Variants in FGGY observed in about 807,000 individuals in gnomAD.
FGGY encodes FGGY carbohydrate kinase domain containing.
In FGGY, 72 loss-of-function variants were observed where a neutral mutation model predicts 71.3. The ratio of observed to expected loss-of-function variants is 1.01; its 90% CI spans 0.84 to 1.23. FGGY has a LOEUF of 1.23. Ranked by LOEUF, FGGY falls within the 50% of genes most tolerant of loss-of-function variation. FGGY has a pLI of 0.00. For missense variants in FGGY, 668 were observed against 682.3 expected (o/e 0.98, Z 0.23); for synonymous variants, 251 against 250.3 (o/e 1.00, Z -0.02).
chr1:59,546,824 C>T (rs1179384557), intron 7 of FGGY, among the ~76,000 whole-genome samples: 18 of 151,978 alleles, frequency 1.2e-4, no homozygotes, highest in East Asian at 7.8e-4. Context: ...GGATTACAGG[C>T]GTGAGCTACC....
chr1:59,349,954 G>C (rs1223405295), intron 4 of FGGY, among the ~76,000 whole-genome samples: 1 of 151,948 alleles, frequency 6.6e-6, no homozygotes, highest in Non-Finnish European at 1.5e-5. Flanking sequence ...CTGGGAACTT[G>C]TGAAACCACT....
intron 5 of FGGY, among the ~76,000 whole-genome samples, chr1:59,393,859 C>G (rs1356163775): frequency 6.6e-6 from 1 of 152,132 alleles, no homozygotes; most frequent in African/African-American, 2.4e-5. Flanking sequence ...CCCCCAACCC[C>G]CTCCCAGGCT....
At chr1:59,468,669 G>A (rs920224413) in intron 6 of FGGY, among the ~76,000 whole-genome samples, 2 of 151,934 alleles carry the variant, frequency 1.3e-5, no homozygotes, top group Admixed American at 6.6e-5. Flanking sequence ...TCAGGAGATC[G>A]AGACCATACT....
At chr1:59,586,644 AC>A (rs2096293659) in intron 8 of FGGY, among the ~76,000 whole-genome samples, 1 of 152,194 alleles carries the variant, frequency 6.6e-6, no homozygotes, top group Non-Finnish European at 1.5e-5. Context: ...GTACCCTAAA[AC>A]TTAAAGTATA....
intron 11 of FGGY, among the ~76,000 whole-genome samples, chr1:59,651,011 C>T (rs1470267532): frequency 2.0e-5 from 3 of 151,388 alleles, no homozygotes; most frequent in Non-Finnish European, 4.4e-5. Flanking sequence ...GTTATGTACC[C>T]AGTAGTCATT....
In FGGY at chr1:59,583,401, T is replaced by G. The variant is rs1402451298; in HGVS notation, c.904-24402T>G. ...TAAAAATAAAGGTCTTATTTTTACA[T>G]TGACACTTTCAATCTAGGTAAACTT... On this transcript the variant is annotated intron_variant, in intron 8 of 15. Transcript: ENST00000303721. Among the ~76,000 whole-genome samples the G allele has an allele frequency of 1.0e-4, 15 of 143,596 alleles. 3 individuals carry two copies. Among genetic ancestry groups the G allele is most frequent in the African/African-American group, 4.1e-4 (15 of 36,648 alleles). 94.2% of individuals were successfully genotyped at this position (143,596 alleles called of 152,430 possible).
At chr1:59,326,604 A>G (rs1173673882) in intron 2 of FGGY, among the ~76,000 whole-genome samples, 1 of 152,226 alleles carries the variant, frequency 6.6e-6, no homozygotes, top group Non-Finnish European at 1.5e-5. Context: ...GGTCAAACCT[A>G]TGCATTCTCT....
chr1:59,671,930 A>G (rs2097382047), intron 13 of FGGY, among the ~76,000 whole-genome samples: 1 of 152,144 alleles, frequency 6.6e-6, no homozygotes, highest in South Asian at 2.1e-4. Context: ...GTTCACTCAC[A>G]TCTCTGGTTC....
At chr1:59,360,127 G>GTTGTTATTATTATTATTATTATTA (rs60160244) in intron 4 of FGGY, among the ~76,000 whole-genome samples, 1 of 145,668 alleles carries the variant, frequency 6.9e-6, no homozygotes, top group Non-Finnish European at 1.5e-5. Flanking sequence ...TTCTATCATT[G>GTTGTTATTATTATTATTATTATTA]TTATTATTAT....
intron 1 of FGGY, among the ~76,000 whole-genome samples, chr1:59,311,590 GT>G (rs1168766271): frequency 3.9e-4 from 60 of 152,142 alleles, no homozygotes; most frequent in Admixed American, 3.8e-3. Flanking sequence ...TTTTATGGCT[GT>G]GTAGTATTCT....
chr1:59,586,974 G>T (rs2096304521), intron 8 of FGGY, among the ~76,000 whole-genome samples: 1 of 152,224 alleles, frequency 6.6e-6, no homozygotes, highest in African/African-American at 2.4e-5. Flanking sequence ...CCGTGCACGA[G>T]CTGAAGCAGG....
chr1:59,489,089 A>T (rs2093744671), intron 6 of FGGY, among the ~76,000 whole-genome samples: 1 of 152,144 alleles, frequency 6.6e-6, no homozygotes, highest in Non-Finnish European at 1.5e-5. Context: ...TTTTTAAAAA[A>T]TAATTTTTTA....
At chr1:59,337,791 A>C (rs779675722) in intron 2 of FGGY, among the ~76,000 whole-genome samples, 4 of 152,154 alleles carry the variant, frequency 2.6e-5, no homozygotes, top group African/African-American at 4.8e-5. Flanking sequence ...TGCATATGAG[A>C]TCATGTCATC....
intron 14 of FGGY, among the ~76,000 whole-genome samples, chr1:59,681,823 T>C (rs201482340): frequency 2.2e-5 from 3 of 133,700 alleles, no homozygotes; most frequent in African/African-American, 2.7e-5. Context: ...CACACACACA[T>C]ACATACTACT....
intron 11 of FGGY, among the ~76,000 whole-genome samples, chr1:59,658,953 G>A (rs893655921): frequency 6.6e-6 from 1 of 152,198 alleles, no homozygotes; most frequent in Admixed American, 6.5e-5. Flanking sequence ...CAGGCGCAGT[G>A]GTTCACAACT....
At chr1:59,369,728 T>A (rs1365929575) in intron 4 of FGGY, among the ~76,000 whole-genome samples, 1 of 152,116 alleles carries the variant, frequency 6.6e-6, no homozygotes, top group Non-Finnish European at 1.5e-5. Flanking sequence ...CCCAGAAGAA[T>A]GATCAGACAG....
intron 5 of FGGY, among the ~76,000 whole-genome samples, chr1:59,407,641 C>G (rs1301747929): frequency 6.6e-6 from 1 of 152,148 alleles, no homozygotes. Flanking sequence ...TGGCCTCTTT[C>G]CATTCACTTC....
At chr1:59,628,016 A>T (rs533096408) in intron 10 of FGGY, among the ~76,000 whole-genome samples, 1 of 152,242 alleles carries the variant, frequency 6.6e-6, no homozygotes, top group African/African-American at 2.4e-5. Context: ...GGTAAACACT[A>T]CAGAGATAAA....
Position 59,585,830 on chromosome 1 carries a change from A to G in FGGY, c.904-21973A>G, listed in dbSNP as rs2096275985. On this transcript the variant is annotated intron_variant, in intron 8 of 15. Coordinates refer to ENST00000303721, the MANE Select transcript of FGGY (RefSeq NM_018291.5). ...AACTCAAACAAATTTGCAAGAAAAA[A>G]ACCCCATCAACAATTGGGTGAAGGA... 2.6e-5 allele frequency among the ~76,000 whole-genome samples: 4 copies of G among 152,332 alleles called. No homozygotes were observed. The South Asian group carries it at 8.3e-4, about 32-fold the overall frequency.
Sources: gnomAD v4.1 joint callset for allele counts (sites outside exome capture counted in the v4.1 genomes callset) on GRCh38, gnomAD v4.1.1 for gene constraint, MANE v1.5 for transcripts, NCBI Gene and HGNC (gene_info 2026-07-23, HGNC 2026-07-21) for gene names.